The following KRAS variants were observed in gnomAD, a reference collection of about 807,000 sequenced individuals.
The protein encoded by KRAS is KRas proto-oncogene, GTPase, also known as GTPase KRas.
In KRAS, 1 loss-of-function variant was observed where a neutral mutation model predicts 21.0. That is an observed-to-expected ratio of 0.05 (90% CI 0.02 to 0.23). The LOEUF (loss-of-function observed/expected upper bound fraction) is 0.23. KRAS is among the 10% of genes least tolerant of loss of function. KRAS has a pLI of 1.00. For missense variants in KRAS, 107 were observed against 221.8 expected, an observed-to-expected ratio of 0.48 and a Z score of 3.29; for synonymous variants, 67 against 72.5, an observed-to-expected ratio of 0.92 and a Z score of 0.39.
intron 1 of KRAS, among the ~76,000 whole-genome samples, chr12:25,246,411 A>C (rs1592824446): frequency 6.6e-6 from 1 of 152,094 alleles, no homozygotes; most frequent in East Asian, 1.9e-4. Context: ...TACAAAAATT[A>C]ATCAGGCGTG....
At chr12:25,239,801 A>G (rs760054777) in intron 2 of KRAS, among the ~76,000 whole-genome samples, 2 of 152,074 alleles carry the variant, frequency 1.3e-5, no homozygotes, top group Non-Finnish European at 2.9e-5. Flanking sequence ...AAAAATACAA[A>G]AAGTAATTGG....
In KRAS at chr12:25,205,567, G is replaced by A. The variant is rs987334670; in HGVS notation, c.*4228C>T. ...GGTAAACATGTTACATTAAGAAATA[G>A]TACTAGTAAGAAATTGGCACTCAAA... On this transcript the variant is annotated 3_prime_UTR_variant, in exon 5 of 5. Transcript: ENST00000311936. The A allele has an allele frequency of 1.4e-5, 3 of 216,358 alleles. No individual in the cohort carries two copies. The highest frequency in any genetic ancestry group is 2.8e-5 in the Non-Finnish European group (3 of 107,176). The allele number at this position is 216,358 out of a possible 1,614,324, so 13.4% of individuals were successfully genotyped here. A position where few individuals can be genotyped will look rare whatever the true frequency, so the allele number is the denominator to read the frequency against.
In KRAS at chr12:25,239,560, T is replaced by C. The variant is rs61761094; in HGVS notation, c.111+5714A>G. Reference sequence around the variant, plus strand: ...GACATTATCATTTTTATTTCACAAGTGTATAGTTTAGCATTAAAATTTACA... The same window carrying C: ...GACATTATCATTTTTATTTCACAAGCGTATAGTTTAGCATTAAAATTTACA... On this transcript the variant is annotated intron_variant, in intron 2 of 4. Transcript: ENST00000311936. Among the ~76,000 whole-genome samples, 383 of 152,302 alleles carry C rather than the reference T, an allele frequency of 2.5e-3. 1 individual carries two copies. The highest frequency in any genetic ancestry group is 3.5e-3 in the Non-Finnish European group (236 of 68,014).
intron 2 of KRAS, among the ~76,000 whole-genome samples, chr12:25,238,176 G>C (rs945048493): frequency 6.6e-6 from 1 of 152,174 alleles, no homozygotes; most frequent in Non-Finnish European, 1.5e-5. Flanking sequence ...GTACTAGAGA[G>C]AATTAAGTGT....
At chr12:25,222,224 A>G (rs1006026251) in intron 4 of KRAS, among the ~76,000 whole-genome samples, 4 of 151,932 alleles carry the variant, frequency 2.6e-5, no homozygotes, top group African/African-American at 9.7e-5. Flanking sequence ...CAGATGAGTA[A>G]CAAAATACTC....
chr12:25,212,070 A>G (rs1441733966), intron 4 of KRAS, among the ~76,000 whole-genome samples: 1 of 152,246 alleles, frequency 6.6e-6, no homozygotes, highest in Non-Finnish European at 1.5e-5. Context: ...CAATGATACA[A>G]TAAAAATTAT....
intron 2 of KRAS, among the ~76,000 whole-genome samples, chr12:25,242,864 T>A (rs1408114238): frequency 6.6e-6 from 1 of 152,178 alleles, no homozygotes; most frequent in Non-Finnish European, 1.5e-5. Context: ...TAGCTACGTA[T>A]CCTTAGATGA....
chr12:25,235,209 C>G, intron 2 of KRAS: 1 of 554,644 alleles, frequency 1.8e-6, no homozygotes, highest in Non-Finnish European at 3.4e-6. Flanking sequence ...GGACTTTTTA[C>G]ATACTGCTTA....
intron 4 of KRAS, among the ~76,000 whole-genome samples, chr12:25,221,589 G>A (rs1367294309): frequency 6.6e-6 from 1 of 151,738 alleles, no homozygotes; most frequent in Non-Finnish European, 1.5e-5. Flanking sequence ...ATTTTAAAGG[G>A]TCATAATTAA....
At chr12:25,221,473 G>A (rs887455288) in intron 4 of KRAS, among the ~76,000 whole-genome samples, 12 of 152,080 alleles carry the variant, frequency 7.9e-5, no homozygotes, top group African/African-American at 2.9e-4. Flanking sequence ...ACCTCAGGTG[G>A]TGTGCCCACC....
At chr12:25,245,824 A>C (rs1408562883) in intron 1 of KRAS, among the ~76,000 whole-genome samples, 1 of 152,178 alleles carries the variant, frequency 6.6e-6, no homozygotes, top group African/African-American at 2.4e-5. Context: ...TCTTATTGTT[A>C]CAGTTTTCCT....
intron 2 of KRAS, among the ~76,000 whole-genome samples, chr12:25,238,823 T>C (rs1951574468): frequency 6.6e-6 from 1 of 152,232 alleles, no homozygotes; most frequent in Non-Finnish European, 1.5e-5. Context: ...ATGAAGATGA[T>C]TTCCATTTTT....
intron 2 of KRAS, among the ~76,000 whole-genome samples, chr12:25,230,626 C>A (rs1449114669): frequency 6.6e-6 from 1 of 151,970 alleles, no homozygotes; most frequent in Non-Finnish European, 1.5e-5. Context: ...AAAACTCTGT[C>A]CCAAAAAAGA....
chr12:25,213,888 G>A (rs1042010623), intron 4 of KRAS, among the ~76,000 whole-genome samples: 8 of 152,092 alleles, frequency 5.3e-5, no homozygotes, highest in African/African-American at 1.7e-4. Context: ...AGAATTCCAC[G>A]CAATAAATAT....
chr12:25,250,586 C>T (rs914900328), intron 1 of KRAS, among the ~76,000 whole-genome samples, 165 bp downstream of exon 1: 8 of 151,418 alleles, frequency 5.3e-5, no homozygotes, highest in Non-Finnish European at 8.9e-5. Flanking sequence ...GCGCGCCTCC[C>T]CCCTGCAGAC....
chr12:25,220,424 G>T (rs1000015355), intron 4 of KRAS, among the ~76,000 whole-genome samples: 18 of 152,064 alleles, frequency 1.2e-4, no homozygotes, highest in Non-Finnish European at 2.6e-4. Context: ...TATATACCCT[G>T]CAATTCTTAT....
At chr12:25,241,348 A>G (rs146813978) in intron 2 of KRAS, among the ~76,000 whole-genome samples, 2 of 152,220 alleles carry the variant, frequency 1.3e-5, no homozygotes, top group Admixed American at 6.5e-5. Context: ...GTTACTTGTT[A>G]TAAAGCAAAT....
chr12:25,227,133 A>T (rs888845500), intron 3 of KRAS, 101 bp downstream of exon 3: 18 of 775,956 alleles, frequency 2.3e-5, no homozygotes, highest in African/African-American at 3.5e-5. Flanking sequence ...TTATTTAAAA[A>T]TTTTTATTAA....
chr12:25,233,838 G>A (rs998664505), intron 2 of KRAS: 2 of 196,548 alleles, frequency 1.0e-5, no homozygotes, highest in South Asian at 3.8e-4. Context: ...AATATATGCA[G>A]ATACTAAAAA....
Sources: gnomAD v4.1 joint callset for allele counts (sites outside exome capture counted in the v4.1 genomes callset) on GRCh38, gnomAD v4.1.1 for gene constraint, MANE v1.5 for transcripts, NCBI Gene and HGNC (gene_info 2026-07-23, HGNC 2026-07-21) for gene names.